IL15: variants seen among roughly 807,000 people sequenced by gnomAD.
The protein encoded by IL15 is interleukin-15.
Under a neutral mutation model 19.6 loss-of-function variants are expected in IL15, and 11 were observed. The ratio of observed to expected loss-of-function variants is 0.56; its 90% CI spans 0.35 to 0.93. The LOEUF (loss-of-function observed/expected upper bound fraction) is 0.93, where lower values mean the gene tolerates loss of function less well. Among genes scored for constraint, IL15 ranks in the 40% least tolerant of loss-of-function variants. The probability of loss-of-function intolerance (pLI) is 0.01; values close to 1 mark genes in which losing one functional copy is unlikely to be tolerated. For missense variants in IL15, 197 were observed against 186.5 expected, an observed-to-expected ratio of 1.06 and a Z score of -0.33; for synonymous variants, 58 against 59.6, an observed-to-expected ratio of 0.97 and a Z score of 0.12.
At chr4:141,724,840 T>C (rs900224161) in intron 5 of IL15, among the ~76,000 whole-genome samples, 4 of 152,150 alleles carry the variant, frequency 2.6e-5, no homozygotes, top group Admixed American at 2.6e-4. Context: ...TCAAGCCTGC[T>C]GGTTACACTG....
intron 2 of IL15, among the ~76,000 whole-genome samples, chr4:141,670,077 TC>T (rs1290266903): frequency 1.3e-5 from 2 of 151,256 alleles, no homozygotes; most frequent in Non-Finnish European, 2.9e-5. Context: ...ACTAAGGACT[TC>T]CGTCAACTAG....
At chr4:141,690,318 T>C (rs1207774405) in intron 2 of IL15, among the ~76,000 whole-genome samples, 2 of 152,122 alleles carry the variant, frequency 1.3e-5, no homozygotes, top group Non-Finnish European at 2.9e-5. Flanking sequence ...AGTGCATCGG[T>C]GGGCTGAAGG....
intron 2 of IL15, among the ~76,000 whole-genome samples, chr4:141,709,349 T>C (rs1729636670): frequency 6.6e-6 from 1 of 152,328 alleles, no homozygotes; most frequent in East Asian, 1.9e-4. Flanking sequence ...ATCTGTTTAA[T>C]CAAATGTACA....
intron 1 of IL15, among the ~76,000 whole-genome samples, chr4:141,645,966 T>C (rs371285675): frequency 6.6e-6 from 1 of 152,090 alleles, no homozygotes; most frequent in East Asian, 1.9e-4. Flanking sequence ...GGAGCTGTAA[T>C]CACTTAAGGC....
intron 2 of IL15, among the ~76,000 whole-genome samples, chr4:141,660,425 G>A (rs1410957848): frequency 6.6e-6 from 1 of 152,114 alleles, no homozygotes; most frequent in Non-Finnish European, 1.5e-5. Context: ...TTTAGTTAAA[G>A]CTTTTAATTT....
chr4:141,671,445 G>C (rs1449206373), intron 2 of IL15, among the ~76,000 whole-genome samples: 1 of 152,168 alleles, frequency 6.6e-6, no homozygotes, highest in African/African-American at 2.4e-5. Context: ...GTTATGTGTT[G>C]TGTGATAAAC....
chr4:141,684,853 T>G (rs1728659078), intron 2 of IL15, among the ~76,000 whole-genome samples: 1 of 152,210 alleles, frequency 6.6e-6, no homozygotes, highest in African/African-American at 2.4e-5. Flanking sequence ...ACATGAATTT[T>G]TATTGCATGT....
intron 1 of IL15, among the ~76,000 whole-genome samples, chr4:141,645,296 G>T (rs1578984797): frequency 6.6e-6 from 1 of 152,092 alleles, no homozygotes; most frequent in Non-Finnish European, 1.5e-5. Context: ...AGTTGGCAAG[G>T]TCTGTGAGAC....
intron 7 of IL15, among the ~76,000 whole-genome samples, chr4:141,731,742 T>C (rs1287134762): frequency 2.6e-5 from 4 of 152,240 alleles, no homozygotes; most frequent in Non-Finnish European, 4.4e-5. Flanking sequence ...AATATGACAG[T>C]GCTTGGCATA....
At chr4:141,701,308 T>C (rs1729299932) in intron 2 of IL15, among the ~76,000 whole-genome samples, 1 of 151,928 alleles carries the variant, frequency 6.6e-6, no homozygotes, top group Admixed American at 6.6e-5. Context: ...ATTTTTTCCC[T>C]CTTAAGGATC....
chr4:141,682,116 C>T (rs1051550485), intron 2 of IL15, among the ~76,000 whole-genome samples: 5 of 152,114 alleles, frequency 3.3e-5, no homozygotes, highest in Admixed American at 2.0e-4. Flanking sequence ...GTTTTTGTAG[C>T]GTGCCTGTCT....
intron 2 of IL15, among the ~76,000 whole-genome samples, chr4:141,668,395 G>C (rs1728062370): frequency 6.6e-6 from 1 of 152,210 alleles, no homozygotes; most frequent in African/African-American, 2.4e-5. Context: ...CATGCTCCCT[G>C]TGGGTTTTGG....
intron 2 of IL15, among the ~76,000 whole-genome samples, chr4:141,671,302 ATGAAAT>A (rs931221398): frequency 1.6e-4 from 25 of 152,314 alleles, no homozygotes; most frequent in African/African-American, 6.0e-4. Context: ...ATGGGGGAAA[ATGAAAT>A]TGTGAAAAGT....
chr4:141,671,157 C>T (rs542862290), intron 2 of IL15, among the ~76,000 whole-genome samples: 7 of 152,200 alleles, frequency 4.6e-5, no homozygotes, highest in South Asian at 2.1e-4. Flanking sequence ...ATAACCCCTA[C>T]GTAAAGAAGC....
intron 2 of IL15, among the ~76,000 whole-genome samples, chr4:141,686,387 A>G (rs1280173755): frequency 6.6e-6 from 1 of 152,192 alleles, no homozygotes; most frequent in Non-Finnish European, 1.5e-5. Flanking sequence ...GAAAGGCTGC[A>G]TATCAAGGTG....
chr4:141,675,441 C>A (rs1728310834), intron 2 of IL15, among the ~76,000 whole-genome samples: 1 of 152,156 alleles, frequency 6.6e-6, no homozygotes, highest in Admixed American at 6.5e-5. Context: ...AACTCCAGCA[C>A]TATAAGTCTC....
intron 2 of IL15, among the ~76,000 whole-genome samples, chr4:141,660,698 T>A (rs1217609907): frequency 6.6e-6 from 1 of 152,210 alleles, no homozygotes; most frequent in Non-Finnish European, 1.5e-5. Context: ...TATTTTAATG[T>A]GTATATAATA....
At chr4:141,721,714 G>C in intron 4 of IL15, 1 of 569,122 alleles carries the variant, frequency 1.8e-6, no homozygotes, top group Non-Finnish European at 3.1e-6. Flanking sequence ...ATCCGGGTTG[G>C]TGAAGCCTCA....
intron 2 of IL15, among the ~76,000 whole-genome samples, chr4:141,657,669 A>G (rs1560904779): frequency 1.3e-5 from 2 of 152,084 alleles, no homozygotes; most frequent in Admixed American, 1.3e-4. Context: ...CAGAGTCAGG[A>G]TCATCAACAT....
Sources: gnomAD v4.1 joint callset for allele counts (sites outside exome capture counted in the v4.1 genomes callset) on GRCh38, gnomAD v4.1.1 for gene constraint, MANE v1.5 for transcripts, NCBI Gene and HGNC (gene_info 2026-07-23, HGNC 2026-07-21) for gene names.